The following SIK2 variants were observed in gnomAD, a reference collection of about 807,000 sequenced individuals.
SIK2 encodes salt inducible kinase 2.
SIK2 carries 29 observed loss-of-function variants against 103.2 expected under a neutral mutation model. The observed-to-expected ratio is 0.28, with a 90% CI of 0.21 to 0.38. The LOEUF (loss-of-function observed/expected upper bound fraction) is 0.38, where lower values mean the gene tolerates loss of function less well. SIK2 is among the 10% of genes least tolerant of loss of function. The pLI is 1.00. For missense variants in SIK2, 879 were observed against 1,171.0 expected, an observed-to-expected ratio of 0.75 and a Z score of 3.64; for synonymous variants, 412 against 446.1, an observed-to-expected ratio of 0.92 and a Z score of 0.96.
chr11:111,658,282 G>A (rs921895275), intron 3 of SIK2, among the ~76,000 whole-genome samples: 4 of 151,708 alleles, frequency 2.6e-5, no homozygotes, highest in East Asian at 1.9e-4. Context: ...GCACCACCAC[G>A]CCCGGTTAAT....
Position 111,730,130 on chromosome 11 carries a change from A to G in SIK2, c.*6001A>G, listed in dbSNP as rs1201945300. 1 of 152,264 alleles carries G rather than the reference A, an allele frequency of 6.6e-6. No homozygotes were observed. The highest frequency in any genetic ancestry group is 2.4e-5 in the African/African-American group (1 of 41,468). 9.4% of individuals were successfully genotyped at this position (152,264 alleles called of 1,614,324 possible). A position where few individuals can be genotyped will look rare whatever the true frequency, so the allele number is the denominator to read the frequency against. On this transcript the variant is annotated 3_prime_UTR_variant, in exon 15 of 15. Coordinates refer to ENST00000304987, the MANE Select transcript of SIK2 (RefSeq NM_015191.3). The stretch of plus-strand genomic sequence containing the variant: ...TTTAGGATTAAAAAAGTAATAACAG[A>G]CTTTGACTTAATACTCTGTCTTTTC...
At chr11:111,622,946 T>TA (rs1156527341) in intron 3 of SIK2, among the ~76,000 whole-genome samples, 1 of 152,188 alleles carries the variant, frequency 6.6e-6, no homozygotes, top group African/African-American at 2.4e-5. Flanking sequence ...ACTATACTCT[T>TA]TTCATCAAAT....
At chr11:111,717,309 C>A (rs375076372) in intron 9 of SIK2, among the ~76,000 whole-genome samples, 2 of 114,474 alleles carry the variant, frequency 1.7e-5, no homozygotes, top group African/African-American at 3.8e-5. Flanking sequence ...CAGAGCGAGA[C>A]TCCGTCTCAA....
intron 3 of SIK2, among the ~76,000 whole-genome samples, chr11:111,674,774 T>A (rs919412235): frequency 4.6e-5 from 7 of 150,866 alleles, no homozygotes; most frequent in Non-Finnish European, 1.0e-4. Context: ...TGAGACGGAG[T>A]CTCGTTCTGT....
intron 7 of SIK2, among the ~76,000 whole-genome samples, chr11:111,703,962 C>G (rs1368302294): frequency 6.6e-6 from 1 of 152,210 alleles, no homozygotes; most frequent in African/African-American, 2.4e-5. Context: ...TTTCTGTCCT[C>G]GAATAGTTAG....
In SIK2 at chr11:111,701,625, A is replaced by C. The variant is rs1400163003; in HGVS notation, c.727+50A>C. On this transcript the variant is annotated intron_variant, in intron 6 of 14. Transcript: ENST00000304987. This position sits in a 1 kb window ranked among gnomAD's most constrained non-coding sequence, Gnocchi z 4.2. ...TGGTGTTTTACAGTGTTAGTGCTCC[A>C]AGTGAAATGCCTAGGTAAAAGCTTC... The C allele has an allele frequency of 3.2e-6, 5 of 1,586,126 alleles. No homozygotes were observed. Among genetic ancestry groups the C allele is most frequent in the Admixed American group, 3.4e-5 (2 of 58,210 alleles).
intron 12 of SIK2, 30 bp from the exon 13 acceptor site, chr11:111,721,800 G>T: frequency 6.4e-7 from 1 of 1,564,716 alleles, no homozygotes; most frequent in Non-Finnish European, 8.7e-7. Flanking sequence ...ATGGGGAATT[G>T]AAAATTGTTT....
chr11:111,713,159 C>T (rs1275534699), intron 9 of SIK2, among the ~76,000 whole-genome samples: 1 of 151,438 alleles, frequency 6.6e-6, no homozygotes, highest in East Asian at 2.0e-4. Flanking sequence ...AGTGAGACTC[C>T]ATCTCAAAAA....
intron 8 of SIK2, among the ~76,000 whole-genome samples, chr11:111,711,550 C>T (rs1329571352): frequency 6.6e-6 from 1 of 152,140 alleles, no homozygotes; most frequent in African/African-American, 2.4e-5. Context: ...ACATAGCTTG[C>T]AGTAAGCGTA....
intron 2 of SIK2, among the ~76,000 whole-genome samples, chr11:111,618,487 T>C (rs755916090): frequency 6.6e-5 from 10 of 152,090 alleles, no homozygotes; most frequent in Non-Finnish European, 1.5e-4. Flanking sequence ...ATACTAAAAC[T>C]ACAGAGGCCT....
At chr11:111,641,240 C>T (rs1232495963) in intron 3 of SIK2, among the ~76,000 whole-genome samples, 1 of 152,186 alleles carries the variant, frequency 6.6e-6, no homozygotes, top group Non-Finnish European at 1.5e-5. Flanking sequence ...ATTCCCAAGG[C>T]TTCAGGCCTC....
chr11:111,690,576 G>C (rs1367124790), intron 4 of SIK2, among the ~76,000 whole-genome samples: 1 of 151,866 alleles, frequency 6.6e-6, no homozygotes, highest in Non-Finnish European at 1.5e-5. Context: ...GCCCTGCATG[G>C]ATTAGGTATT....
intron 2 of SIK2, among the ~76,000 whole-genome samples, chr11:111,619,602 C>T (rs576195): frequency 0.59 from 90,341 of 151,880 alleles, 30,014 homozygotes; most frequent in East Asian, 0.96. Context: ...ACCTTGACCT[C>T]CCAAAGAGCT....
chr11:111,693,851 G>A (rs1054583039), intron 4 of SIK2, among the ~76,000 whole-genome samples: 1 of 152,176 alleles, frequency 6.6e-6, no homozygotes, highest in African/African-American at 2.4e-5. Flanking sequence ...ACAGGGAGTC[G>A]ATGTAGGGTA....
intron 3 of SIK2, 51 bp downstream of exon 3, chr11:111,620,453 G>T: frequency 8.9e-7 from 1 of 1,127,436 alleles, no homozygotes; most frequent in Non-Finnish European, 1.3e-6. Context: ...TCACTAATCT[G>T]CATGAATGGG....
rs906089567 is a variant in SIK2, at chr11:111,724,807, C to G, written c.*678C>G. Reference sequence around the variant, plus strand: ...GGTGACACACCCCTTCAGAAGGTGCCCTGGGTTGCCGAGTGTCAGAATATA... The same window carrying G: ...GGTGACACACCCCTTCAGAAGGTGCGCTGGGTTGCCGAGTGTCAGAATATA... On this transcript the variant is annotated 3_prime_UTR_variant, in exon 15 of 15. Transcript: ENST00000304987. 1.3e-5 allele frequency: 2 copies of G among 152,410 alleles called. No individual in the cohort carries two copies. The highest frequency in any genetic ancestry group is 4.8e-5 in the African/African-American group (2 of 41,432). 9.4% of individuals were successfully genotyped at this position (152,410 alleles called of 1,614,324 possible). A position where few individuals can be genotyped will look rare whatever the true frequency, so the allele number is the denominator to read the frequency against.
intron 3 of SIK2, chr11:111,672,160 G>T: frequency 2.3e-6 from 1 of 433,852 alleles, no homozygotes; most frequent in South Asian, 2.0e-5. Context: ...CAGCTTAAAA[G>T]AGCTTAGCAG....
intron 3 of SIK2, among the ~76,000 whole-genome samples, chr11:111,642,691 C>A (rs1942198194): frequency 1.3e-5 from 2 of 152,282 alleles, no homozygotes; most frequent in African/African-American, 4.8e-5. Flanking sequence ...TCTCTAGATT[C>A]CCAGAGGTGG....
chr11:111,613,293 A>T (rs1352205760), intron 1 of SIK2, among the ~76,000 whole-genome samples: 2 of 152,142 alleles, frequency 1.3e-5, no homozygotes, highest in Non-Finnish European at 2.9e-5. Context: ...CTGGGTTTTT[A>T]AAAACCATAA....
Sources: gnomAD v4.1 joint callset for allele counts (sites outside exome capture counted in the v4.1 genomes callset) on GRCh38, gnomAD v4.1.1 for gene constraint, Gnocchi (gnomAD v3.1) non-coding constraint, MANE v1.5 for transcripts, NCBI Gene and HGNC (gene_info 2026-07-23, HGNC 2026-07-21) for gene names.